The following MRPS9 variants were observed in gnomAD, a reference collection of about 807,000 sequenced individuals.
The protein encoded by MRPS9 is mitochondrial ribosomal protein S9, also known as small ribosomal subunit protein uS9m.
A neutral mutation model predicts 59.9 loss-of-function variants in MRPS9; 45 were observed. The observed-to-expected ratio is 0.75, with a 90% CI of 0.59 to 0.96. The LOEUF (loss-of-function observed/expected upper bound fraction) is 0.96. MRPS9 is among the 40% of genes least tolerant of loss of function. The pLI, the probability that MRPS9 is intolerant of heterozygous loss-of-function variation, is 0.00. For synonymous variants in MRPS9, 171 were observed against 166.8 expected (o/e 1.03, Z -0.19); for missense variants, 473 against 481.1 (o/e 0.98, Z 0.16).
intron 1 of MRPS9, among the ~76,000 whole-genome samples, chr2:105,048,516 AAAAG>A (rs1679649382): frequency 6.6e-6 from 1 of 151,918 alleles, no homozygotes; most frequent in African/African-American, 2.4e-5. Context: ...AATTTTAAAA[AAAAG>A]AAAAATAAAA....
intron 5 of MRPS9, among the ~76,000 whole-genome samples, chr2:105,081,015 C>G (rs1680323012): frequency 6.6e-6 from 1 of 152,190 alleles, no homozygotes; most frequent in African/African-American, 2.4e-5. Flanking sequence ...TGTGTCTTTG[C>G]TGAGTAATGG....
chr2:105,091,633 A>G (rs1048637621), intron 7 of MRPS9, among the ~76,000 whole-genome samples: 2 of 152,194 alleles, frequency 1.3e-5, no homozygotes, highest in African/African-American at 4.8e-5. Flanking sequence ...AAAAACATAA[A>G]TAAGGTTATA....
chr2:105,065,167 CT>C (rs1469788304), intron 2 of MRPS9, among the ~76,000 whole-genome samples: 11 of 152,160 alleles, frequency 7.2e-5, no homozygotes, highest in African/African-American at 2.7e-4. Context: ...GGTAAATAAT[CT>C]ATTTCTTTCT....
At chr2:105,064,172 G>A (rs1440628585) in intron 2 of MRPS9, among the ~76,000 whole-genome samples, 1 of 152,180 alleles carries the variant, frequency 6.6e-6, no homozygotes, top group African/African-American at 2.4e-5. Context: ...TAAGGGATGA[G>A]CAGAGGTGTG....
Position 105,049,222 on chromosome 2 carries a change from A to G in MRPS9, c.187A>G (p.Thr63Ala), listed in dbSNP as rs1679663962. 6.2e-7 allele frequency: 1 copy of G among 1,612,974 alleles called. No homozygotes were observed. The highest frequency in any genetic ancestry group is 8.5e-7 in the Non-Finnish European group (1 of 1,179,542). Reference sequence around the variant, plus strand: ...TGTAATACCAAAGAAAAACGTTCCTACCTCAAAACGTGAAACTTACACAGA... The same window carrying G: ...TGTAATACCAAAGAAAAACGTTCCTGCCTCAAAACGTGAAACTTACACAGA... ...AFVIPKKNVP[T>A]SKRETYTEDF... is the part of the protein sequence containing the mutation. Residue 63 changes from threonine to alanine, a missense_variant, in exon 2 of 11, where the codon ACC (threonine) becomes GCC (alanine). Coordinates refer to ENST00000258455, the MANE Select transcript of MRPS9 (RefSeq NM_182640.3).
rs180726183 is a variant in MRPS9, at chr2:105,077,117, C to T, written c.410-2866C>T. On this transcript the variant is annotated intron_variant, in intron 4 of 10. Coordinates refer to ENST00000258455, the MANE Select transcript of MRPS9 (RefSeq NM_182640.3). ...CAAAATAGCCGGGCGTGGTGGCGCA[C>T]GCCTGTAGTCCCAGCTACTCGGGAG... is the stretch of plus-strand genomic sequence containing the variant. Among the ~76,000 whole-genome samples, 473 of 152,062 alleles carry T rather than the reference C, an allele frequency of 3.1e-3. 2 individuals are homozygous for T. The highest frequency in any genetic ancestry group is 0.011 in the African/African-American group (445 of 41,504).
At chr2:105,043,173 T>C (rs1679530725) in intron 1 of MRPS9, among the ~76,000 whole-genome samples, 1 of 152,234 alleles carries the variant, frequency 6.6e-6, no homozygotes, top group Non-Finnish European at 1.5e-5. Flanking sequence ...TTTTTGTATA[T>C]AGTTGGTTTA....
At chr2:105,088,180 G>A (rs142542499) in intron 5 of MRPS9, among the ~76,000 whole-genome samples, 10 of 151,980 alleles carry the variant, frequency 6.6e-5, no homozygotes, top group African/African-American at 2.4e-4. Flanking sequence ...TGCTCATTGG[G>A]TATTAGTATG....
intron 1 of MRPS9, among the ~76,000 whole-genome samples, chr2:105,047,106 G>C (rs1413884617): frequency 2.0e-5 from 3 of 151,964 alleles, no homozygotes; most frequent in African/African-American, 7.2e-5. Context: ...GTACAGACAG[G>C]CTGTGTCTAT....
chr2:105,064,048 C>G (rs570930920), intron 2 of MRPS9, among the ~76,000 whole-genome samples: 1 of 152,204 alleles, frequency 6.6e-6, no homozygotes, highest in South Asian at 2.1e-4. Context: ...GGGAAAAATC[C>G]CTAAAGCAAT....
intron 9 of MRPS9, among the ~76,000 whole-genome samples, chr2:105,094,777 T>G (rs2104470669): frequency 6.6e-6 from 1 of 152,342 alleles, no homozygotes; most frequent in Middle Eastern, 3.4e-3. Flanking sequence ...TTTGATAACT[T>G]CAACATTGGG....
At chr2:105,057,043 A>C (rs892449592) in intron 2 of MRPS9, among the ~76,000 whole-genome samples, 3 of 152,160 alleles carry the variant, frequency 2.0e-5, no homozygotes, top group Admixed American at 6.5e-5. Context: ...GTGAAAAAGT[A>C]AAGTATTATA....
intron 1 of MRPS9, among the ~76,000 whole-genome samples, chr2:105,048,522 AAAAT>A (rs1679649862): frequency 6.6e-6 from 1 of 151,926 alleles, no homozygotes; most frequent in Non-Finnish European, 1.5e-5. Flanking sequence ...AAAAAAAAGA[AAAAT>A]AAAAGATATG....
At chr2:105,062,614 C>T (rs1172775982) in intron 2 of MRPS9, among the ~76,000 whole-genome samples, 2 of 152,180 alleles carry the variant, frequency 1.3e-5, no homozygotes, top group African/African-American at 4.8e-5. Context: ...AGACTTTAAC[C>T]TTGTAACCAT....
intron 2 of MRPS9, among the ~76,000 whole-genome samples, chr2:105,064,463 A>AC (rs1679962461): frequency 6.6e-6 from 1 of 152,188 alleles, no homozygotes; most frequent in Admixed American, 6.5e-5. Context: ...CCTAGATGCC[A>AC]CCAGGAGCAC....
At chr2:105,046,539 ATC>A (rs1679599350) in intron 1 of MRPS9, among the ~76,000 whole-genome samples, 1 of 151,960 alleles carries the variant, frequency 6.6e-6, no homozygotes, top group South Asian at 2.1e-4. Context: ...CCTCCTGGAC[ATC>A]TGTCTTCCTG....
chr2:105,077,118 G>A (rs1384961440), intron 4 of MRPS9, among the ~76,000 whole-genome samples: 4 of 151,964 alleles, frequency 2.6e-5, no homozygotes, highest in East Asian at 1.9e-4. Context: ...GGTGGCGCAC[G>A]CCTGTAGTCC....
chr2:105,067,760 G>A (rs1044179863), intron 2 of MRPS9, among the ~76,000 whole-genome samples: 1 of 152,074 alleles, frequency 6.6e-6, no homozygotes, highest in African/African-American at 2.4e-5. Flanking sequence ...GTGTGTATGT[G>A]TACATGTGTG....
chr2:105,081,865 A>G (rs1680354133), intron 5 of MRPS9, among the ~76,000 whole-genome samples: 1 of 152,216 alleles, frequency 6.6e-6, no homozygotes, highest in African/African-American at 2.4e-5. Flanking sequence ...TTTCAGCATT[A>G]TGTATAGCAG....
Sources: allele counts gnomAD v4.1 joint callset (sites outside exome capture counted in the v4.1 genomes callset), GRCh38; gene constraint gnomAD v4.1.1; transcripts MANE v1.5; gene names NCBI Gene and HGNC (gene_info 2026-07-23, HGNC 2026-07-21).